Variants in OSBPL9 observed in about 807,000 individuals in gnomAD.
OSBPL9 encodes the protein oxysterol-binding protein-related protein 9.
In OSBPL9, 40 loss-of-function variants were observed where a neutral mutation model predicts 106.6. The observed-to-expected ratio is 0.38, with a 90% confidence interval of 0.29 to 0.49. The LOEUF (loss-of-function observed/expected upper bound fraction) is 0.49, where lower values mean the gene tolerates loss of function less well. Ranked by LOEUF, OSBPL9 falls within the 20% of genes least tolerant of loss-of-function variation. The pLI is 0.97. For synonymous variants in OSBPL9, 269 were observed against 295.4 expected, an observed-to-expected ratio of 0.91 and a Z score of 0.92; for missense variants, 609 against 887.2, an observed-to-expected ratio of 0.69 and a Z score of 3.98.
At chr1:51,692,150 T>C (rs1655101477) in intron 3 of OSBPL9, among the ~76,000 whole-genome samples, 1 of 151,990 alleles carries the variant, frequency 6.6e-6, no homozygotes, top group African/African-American at 2.4e-5. Context: ...CTACAAATAA[T>C]TTTTAAATAT....
intron 15 of OSBPL9, among the ~76,000 whole-genome samples, chr1:51,780,092 A>G (rs1290777046): frequency 6.6e-6 from 1 of 151,994 alleles, no homozygotes; most frequent in African/African-American, 2.4e-5. Flanking sequence ...AGAAAAAAAA[A>G]AAAAAGGCCA....
At chr1:51,518,793 G>C in the OSBPL9 span, among the ~76,000 whole-genome samples, 12 of 151,240 alleles carry the variant, frequency 7.9e-5, no homozygotes, top group African/African-American at 1.2e-4. Context: ...GGGTGCGGCC[G>C]GCCCGCGCGA....
In OSBPL9 at chr1:51,657,915, T is replaced by C. The variant is rs549501502; in HGVS notation, c.162+5874T>C. Among the ~76,000 whole-genome samples, 5 of 151,802 alleles carry C rather than the reference T, an allele frequency of 3.3e-5. 1 individual carries two copies. The highest frequency in any genetic ancestry group is 1.2e-4 in the African/African-American group (5 of 41,370). On this transcript the variant is annotated intron_variant, in intron 2 of 23. Coordinates refer to ENST00000428468, the MANE Select transcript of OSBPL9 (RefSeq NM_024586.6). ...GAGTTTGAGACCAGCCTGGGCAACA[T>C]AATGAGACCTCTTCTCTACAAACAA...
intron 1 of OSBPL9, among the ~76,000 whole-genome samples, chr1:51,624,527 G>C (rs374881016): frequency 1.2e-3 from 178 of 152,072 alleles, no homozygotes; most frequent in African/African-American, 4.2e-3. Context: ...GGCAAAACCC[G>C]TGAGCTGAGA....
intron 1 of OSBPL9, among the ~76,000 whole-genome samples, chr1:51,635,835 C>T (rs1408629154): frequency 6.6e-6 from 1 of 151,982 alleles, no homozygotes; most frequent in African/African-American, 2.4e-5. Context: ...AATCCTCTGC[C>T]TGCAATTTTG....
the OSBPL9 span, among the ~76,000 whole-genome samples, chr1:51,540,116 C>T: frequency 1.3e-5 from 2 of 152,112 alleles, no homozygotes; most frequent in Non-Finnish European, 2.9e-5. Flanking sequence ...ATATTGTTTT[C>T]TCTGATCTTC....
chr1:51,732,674 GTC>G (rs1211131328), intron 4 of OSBPL9, among the ~76,000 whole-genome samples: 2 of 152,038 alleles, frequency 1.3e-5, no homozygotes, highest in Non-Finnish European at 2.9e-5. Context: ...GGCCATCATG[GTC>G]TCTCACCTAG....
chr1:51,596,544 A>G (rs1348971327), intron 1 of OSBPL9, among the ~76,000 whole-genome samples: 3 of 131,636 alleles, frequency 2.3e-5, no homozygotes, highest in South Asian at 5.6e-4. Flanking sequence ...AGGCGAGAAG[A>G]GTGAAACTCT....
chr1:51,680,254 T>TA lies in OSBPL9; in HGVS notation c.241+10754dup, dbSNP rs879434559. 6.2e-4 allele frequency among the ~76,000 whole-genome samples: 89 copies of TA among 144,400 alleles called. 1 individual carries two copies. The highest frequency in any genetic ancestry group is 1.0e-3 in the Non-Finnish European group (66 of 65,282). 94.7% of individuals were successfully genotyped at this position (144,400 alleles called of 152,430 possible). On this transcript the variant is annotated intron_variant, in intron 3 of 23. Coordinates refer to ENST00000428468, the MANE Select transcript of OSBPL9 (RefSeq NM_024586.6). ...TGGGCAACAGAGTGAGAGACCATCT[T>TA]AAAAAAAAAAAATTTTGAGTCATTC...
At position 51,714,201 on chromosome 1, in the gene OSBPL9, G is replaced by A. The variant is rs1189589361; in HGVS notation, c.318+122G>A. 6 of 647,634 alleles carry A rather than the reference G, an allele frequency of 9.3e-6. No individual in the cohort carries two copies. The Admixed American group carries it at 2.1e-4, about 23-fold the overall frequency. The allele number at this position is 647,634 out of a possible 1,614,324, so 40.1% of individuals were successfully genotyped here. ...TGTAATAGGAACTTATAATTTCTGA[G>A]TTGCTTATTTTTCCTTTACAGTTAT... On this transcript the variant is annotated intron_variant, in intron 4 of 23. Transcript: ENST00000428468.
In OSBPL9 at chr1:51,663,295, A is replaced by AGTGTGTGTGT. The variant is rs10544368; in HGVS notation, c.163-6118_163-6109dup. ...AGTCATTTGAGTCATTATGCTGGCA[A>AGTGTGTGTGT]GTGTGTGTGTGTGTGTGTGTGTGTG... On this transcript the variant is annotated intron_variant, in intron 2 of 23. Coordinates refer to ENST00000428468, the MANE Select transcript of OSBPL9 (RefSeq NM_024586.6). 8.8e-4 allele frequency among the ~76,000 whole-genome samples: 131 copies of AGTGTGTGTGT among 148,810 alleles called. 2 individuals carry two copies. The highest frequency in any genetic ancestry group is 1.5e-3 in the South Asian group (7 of 4,620).
At chr1:51,679,159 G>A (rs556876706) in intron 3 of OSBPL9, among the ~76,000 whole-genome samples, 5 of 152,196 alleles carry the variant, frequency 3.3e-5, no homozygotes, top group South Asian at 2.1e-4. Context: ...GAGGAGGGTC[G>A]GACTTCACTG....
intron 16 of OSBPL9, 55 bp from the exon 17 acceptor site, chr1:51,782,497 ATTCTCTG>A: frequency 6.8e-6 from 10 of 1,466,034 alleles, no homozygotes; most frequent in Middle Eastern, 1.8e-4. Context: ...CAATTACCAG[ATTCTCTG>A]AAATGTCATT....
chr1:51,622,385 C>T (rs905856220), intron 1 of OSBPL9, among the ~76,000 whole-genome samples: 1 of 152,090 alleles, frequency 6.6e-6, no homozygotes, highest in South Asian at 2.1e-4. Flanking sequence ...TTGGATAGGA[C>T]TCTGGAAAAT....
At chr1:51,784,743 G>GA in intron 20 of OSBPL9, 161 bp downstream of exon 20, 1 of 805,038 alleles carries the variant, frequency 1.2e-6, no homozygotes, top group African/African-American at 1.7e-5. Context: ...TCCCATATCA[G>GA]AAGAAGACCT....
intron 1 of OSBPL9, 38 bp downstream of exon 1, chr1:51,617,259 G>T (rs1311922503): frequency 6.4e-7 from 1 of 1,562,500 alleles, no homozygotes; most frequent in African/African-American, 1.4e-5. Flanking sequence ...GCGCCTCGGG[G>T]CCGCGTTTCC....
chr1:51,784,553 CAAG>C lies in OSBPL9; in HGVS notation c.1804_1806del (p.Lys602del), dbSNP rs752634777. 1.9e-6 allele frequency: 3 copies of C among 1,613,938 alleles called. No homozygotes were observed. The highest frequency in any genetic ancestry group is 2.7e-5 in the African/African-American group (2 of 74,926). ...TCCACACTAAACCCTTCTATGGGGG[CAAG>C]AAGCACAGAATTACTGCCGAGATTT... On this transcript the variant is annotated inframe_deletion, in exon 20 of 24. Coordinates refer to ENST00000428468, the MANE Select transcript of OSBPL9 (RefSeq NM_024586.6).
intron 2 of OSBPL9, among the ~76,000 whole-genome samples, chr1:51,659,495 TAAAG>T (rs1304923931): frequency 6.6e-6 from 1 of 151,416 alleles, no homozygotes; most frequent in Non-Finnish European, 1.5e-5. Context: ...TAAAATTAGG[TAAAG>T]AAAAGAAATA....
At chr1:51,662,163 G>A (rs1230194581) in intron 2 of OSBPL9, among the ~76,000 whole-genome samples, 2 of 152,150 alleles carry the variant, frequency 1.3e-5, no homozygotes, top group Non-Finnish European at 2.9e-5. Context: ...ATAAACTAGA[G>A]GATTGGACAG....
Sources: gnomAD v4.1 joint callset for allele counts (sites outside exome capture counted in the v4.1 genomes callset) on GRCh38, gnomAD v4.1.1 for gene constraint, MANE v1.5 for transcripts, NCBI Gene and HGNC (gene_info 2026-07-23, HGNC 2026-07-21) for gene names.